WWOX: variants seen among roughly 807,000 people sequenced by gnomAD.
WWOX encodes the protein WW domain containing oxidoreductase, also known as WW domain-containing oxidoreductase.
WWOX carries 69 observed loss-of-function variants against 46.2 expected under a neutral mutation model. The observed-to-expected ratio is 1.49, with a 90% CI of 1.23 to 1.82. The LOEUF (loss-of-function observed/expected upper bound fraction) is 1.82. Among genes scored for constraint, WWOX ranks in the 40% most tolerant of loss-of-function variants. The pLI is 0.00. For synonymous variants in WWOX, 359 were observed against 202.6 expected (o/e 1.77, Z -6.56); for missense variants, 919 against 542.6 (o/e 1.69, Z -6.89).
At chr16:78,847,820 A>G (rs1301071052) in intron 8 of WWOX, among the ~76,000 whole-genome samples, 1 of 152,122 alleles carries the variant, frequency 6.6e-6, no homozygotes, top group Non-Finnish European at 1.5e-5. Flanking sequence ...CCCTCACCGC[A>G]TCAACACCTG....
At chr16:78,646,302 G>C (rs2046841292) in intron 8 of WWOX, among the ~76,000 whole-genome samples, 1 of 152,164 alleles carries the variant, frequency 6.6e-6, no homozygotes, top group Non-Finnish European at 1.5e-5. Context: ...GTGTGAGCCA[G>C]TACACTTGGC....
At chr16:78,540,688 T>C (rs2043870368) in intron 8 of WWOX, among the ~76,000 whole-genome samples, 2 of 150,854 alleles carry the variant, frequency 1.3e-5, no homozygotes, top group South Asian at 4.2e-4. Context: ...ATCTAGTGGA[T>C]ATTTTGTTAA....
Position 78,582,037 on chromosome 16 carries a change from A to T in WWOX, c.1056+149285A>T, listed in dbSNP as rs1485669861. On this transcript the variant is annotated intron_variant, in intron 8 of 8. Coordinates refer to ENST00000566780, the MANE Select transcript of WWOX (RefSeq NM_016373.4). ...TTCGTTTGTAGACAAGGCAAAGATC[A>T]TTTTCAGGTTAGTCCTCTGAGAAGG... 3.9e-5 allele frequency among the ~76,000 whole-genome samples: 6 copies of T among 152,172 alleles called. 2 individuals carry two copies. The highest frequency in any genetic ancestry group is 2.9e-5 in the Non-Finnish European group (2 of 68,024).
intron 8 of WWOX, among the ~76,000 whole-genome samples, chr16:78,811,824 C>A (rs917397543): frequency 1.3e-5 from 2 of 152,302 alleles, no homozygotes; most frequent in Non-Finnish European, 2.9e-5. Flanking sequence ...GGTAGAGGGA[C>A]ACAAACATTC....
At chr16:78,546,878 G>C (rs2044045482) in intron 8 of WWOX, among the ~76,000 whole-genome samples, 1 of 152,110 alleles carries the variant, frequency 6.6e-6, no homozygotes, top group Admixed American at 6.5e-5. Flanking sequence ...CGTAATCTTA[G>C]CACTTTGGGA....
chr16:79,034,529 A>G (rs1418820504), intron 8 of WWOX, among the ~76,000 whole-genome samples: 1 of 152,172 alleles, frequency 6.6e-6, no homozygotes, highest in Non-Finnish European at 1.5e-5. Flanking sequence ...CCCTCACCGA[A>G]TGATCAGGAG....
At chr16:78,770,838 G>C (rs561600614) in intron 8 of WWOX, among the ~76,000 whole-genome samples, 24 of 152,362 alleles carry the variant, frequency 1.6e-4, no homozygotes, top group Non-Finnish European at 3.1e-4. Flanking sequence ...AAATGTGCCT[G>C]GTACTGAGAC....
At chr16:78,673,754 A>C (rs2047522370) in intron 8 of WWOX, among the ~76,000 whole-genome samples, 1 of 152,206 alleles carries the variant, frequency 6.6e-6, no homozygotes, top group Admixed American at 6.5e-5. Context: ...CACTTCCTTA[A>C]TTATCCATGT....
chr16:79,125,451 C>T (rs1438968320), intron 8 of WWOX, among the ~76,000 whole-genome samples: 1 of 152,204 alleles, frequency 6.6e-6, no homozygotes, highest in Non-Finnish European at 1.5e-5. Context: ...ATTGTAACAG[C>T]TTCTTAATTA....
At chr16:78,670,548 C>G (rs1366373622) in intron 8 of WWOX, among the ~76,000 whole-genome samples, 2 of 151,972 alleles carry the variant, frequency 1.3e-5, no homozygotes, top group Admixed American at 6.6e-5. Flanking sequence ...GCTTCAGAGT[C>G]CAGCCAGCCC....
intron 8 of WWOX, among the ~76,000 whole-genome samples, chr16:79,059,943 A>C (rs888046329): frequency 1.3e-4 from 20 of 152,178 alleles, no homozygotes; most frequent in Admixed American, 1.2e-3. Context: ...CTTTTGGTAC[A>C]CTGAGAGGTC....
rs140981998 is a variant in WWOX at position 78,544,545 on chromosome 16, A to AC, written c.1056+111793_1056+111794insC. ...TGCAGAACTGTGTGGCATCAAAGCCATTTTTTAACTCATTGCAATGCACAG... is the reference window on the plus strand; with the variant it reads ...TGCAGAACTGTGTGGCATCAAAGCCACTTTTTTAACTCATTGCAATGCACAG... On this transcript the variant is annotated intron_variant, in intron 8 of 8. Transcript: ENST00000566780. Among the ~76,000 whole-genome samples, 1,122 of 152,314 alleles carry AC rather than the reference A, an allele frequency of 7.4e-3. 15 individuals carry two copies. Among genetic ancestry groups the AC allele is most frequent in the African/African-American group, 0.026 (1,086 of 41,548 alleles).
At chr16:79,158,374 C>T (rs929343927) in intron 8 of WWOX, among the ~76,000 whole-genome samples, 1 of 152,132 alleles carries the variant, frequency 6.6e-6, no homozygotes, top group African/African-American at 2.4e-5. Context: ...TAAGGGAAAC[C>T]AAGTCAGGCT....
In WWOX at chr16:78,106,753, G is replaced by T. The variant is rs566659392; in HGVS notation, c.108-1670G>T. On this transcript the variant is annotated intron_variant, in intron 1 of 8. Coordinates refer to ENST00000566780, the MANE Select transcript of WWOX (RefSeq NM_016373.4). ...TTTTTTGCAAGTGATATTGGATGGT[G>T]GTTGATGTACAAAGTAGGAGTTTGT... Among the ~76,000 whole-genome samples, 3 of 152,266 alleles carry T rather than the reference G, an allele frequency of 2.0e-5. No individual in the cohort carries two copies. In the South Asian group the frequency reaches 6.2e-4, roughly 32 times the overall value.
chr16:78,461,087 T>A (rs992388176), intron 8 of WWOX, among the ~76,000 whole-genome samples: 4 of 152,370 alleles, frequency 2.6e-5, no homozygotes, highest in East Asian at 1.9e-4. Context: ...CTTTGGAAGC[T>A]TGATGCCATA....
chr16:78,341,703 A>G (rs78771578), intron 5 of WWOX, among the ~76,000 whole-genome samples: 27,210 of 119,546 alleles, frequency 0.23, 8,727 homozygotes, highest in African/African-American at 0.38. Context: ...GAGACATAGC[A>G]TCGAGTGTGG....
At chr16:79,020,831 G>T (rs569527752) in intron 8 of WWOX, among the ~76,000 whole-genome samples, 10 of 152,154 alleles carry the variant, frequency 6.6e-5, no homozygotes, top group South Asian at 2.1e-4. Context: ...TGGTCACTTT[G>T]AGGTTTGATG....
intron 8 of WWOX, among the ~76,000 whole-genome samples, chr16:78,736,198 G>A (rs1454559258): frequency 6.6e-6 from 1 of 152,172 alleles, no homozygotes; most frequent in Non-Finnish European, 1.5e-5. Flanking sequence ...ATCCTTGGGG[G>A]GCTCTGGAAT....
chr16:78,644,219 T>C (rs2046788689), intron 8 of WWOX, among the ~76,000 whole-genome samples: 2 of 150,678 alleles, frequency 1.3e-5, no homozygotes, highest in Non-Finnish European at 2.9e-5. Flanking sequence ...AAACTCTGTC[T>C]CAAAAATGAA....
Sources: gnomAD v4.1 joint callset for allele counts (sites outside exome capture counted in the v4.1 genomes callset) on GRCh38, gnomAD v4.1.1 for gene constraint, MANE v1.5 for transcripts, NCBI Gene and HGNC (gene_info 2026-07-23, HGNC 2026-07-21) for gene names.